The following GCFC2 variants were observed in gnomAD, a reference collection of about 807,000 sequenced individuals.
GCFC2 encodes GC-rich sequence DNA-binding factor 2.
In GCFC2, 102 loss-of-function variants were observed where a neutral mutation model predicts 99.4. That is an observed-to-expected ratio of 1.03 (90% CI 0.87 to 1.21). The LOEUF is 1.21. Among genes scored for constraint, GCFC2 ranks in the 50% most tolerant of loss-of-function variants. GCFC2 has a pLI of 0.00. For synonymous variants in GCFC2, 338 were observed against 316.8 expected (o/e 1.07, Z -0.71); for missense variants, 973 against 920.9 (o/e 1.06, Z -0.73).
chr2:75,706,792 C>T (rs893673404), intron 1 of GCFC2, 141 bp from the exon 2 acceptor site: 12 of 476,914 alleles, frequency 2.5e-5, no homozygotes, highest in Non-Finnish European at 4.3e-5. Flanking sequence ...ATTGATCTTC[C>T]TCCAACTTTC....
intron 11 of GCFC2, among the ~76,000 whole-genome samples, chr2:75,685,057 T>C (rs997689055): frequency 6.6e-6 from 1 of 152,096 alleles, no homozygotes; most frequent in Admixed American, 6.5e-5. Context: ...CCGGGGCCTT[T>C]TGGGGGTCAG....
chr2:75,706,315 T>A (rs72918120), intron 2 of GCFC2, among the ~76,000 whole-genome samples: 1 of 152,086 alleles, frequency 6.6e-6, no homozygotes, highest in African/African-American at 2.4e-5. Flanking sequence ...CAGAACAAAC[T>A]GGGTTTGAAT....
At chr2:75,707,653 A>G (rs1173678048) in intron 1 of GCFC2, among the ~76,000 whole-genome samples, 1 of 152,220 alleles carries the variant, frequency 6.6e-6, no homozygotes, top group Non-Finnish European at 1.5e-5. Context: ...ACACCAAAGC[A>G]GTGGGTCTTA....
chr2:75,712,469 CG>C (rs1360691879), upstream of GCFC2, among the ~76,000 whole-genome samples: 2 of 152,162 alleles, frequency 1.3e-5, no homozygotes, highest in African/African-American at 4.8e-5. Context: ...GCACCAATCA[CG>C]GCCCTGTCAA....
At position 75,666,011 on chromosome 2, in the gene GCFC2, T is replaced by A; in HGVS notation, c.2146A>T (p.Met716Leu). The part of the protein sequence containing the change: ...LPEKWFENSA[M>L]RTSIPQLENF... ...TCTAGCTGTGGAATAGATGTCCTCATGGCAGAATTTTCAAACCATTTTTCT... is the reference window on the plus strand; with the variant it reads ...TCTAGCTGTGGAATAGATGTCCTCAAGGCAGAATTTTCAAACCATTTTTCT... The change falls in exon 16 of 17, where the codon ATG becomes TTG. Residue 716 changes from methionine (M) to leucine (L), a missense_variant. Met to Leu is a conservative substitution (Grantham distance 15, BLOSUM62 2). Transcript: ENST00000321027. The A allele has an allele frequency of 6.2e-7, 1 of 1,606,276 alleles. No homozygotes were observed. Among genetic ancestry groups the A allele is most frequent in the Non-Finnish European group, 8.5e-7 (1 of 1,173,906 alleles).
upstream of GCFC2, among the ~76,000 whole-genome samples, chr2:75,712,658 G>A (rs1391611971): frequency 3.3e-5 from 5 of 152,034 alleles, no homozygotes; most frequent in Non-Finnish European, 5.9e-5. Flanking sequence ...GGGTCCACGT[G>A]GCTTTTATGA....
chr2:75,666,190 G>T, intron 15 of GCFC2, 137 bp from the exon 16 acceptor site: 1 of 617,362 alleles, frequency 1.6e-6, no homozygotes, highest in Non-Finnish European at 2.6e-6. Flanking sequence ...AATTTCTAAA[G>T]ATTTCCCTTT....
rs773435915 is a variant in GCFC2 at position 75,690,607 on chromosome 2, C to G, written c.1226+31G>C. 4 of 1,002,010 alleles carry G rather than the reference C, an allele frequency of 4.0e-6. No individual in the cohort carries two copies. The African/African-American group carries it at 6.4e-5, about 16-fold the overall frequency. The allele number at this position is 1,002,010 out of a possible 1,614,324, so 62.1% of individuals were successfully genotyped here. A position where few individuals can be genotyped will look rare whatever the true frequency, so the allele number is the denominator to read the frequency against. On this transcript the variant is annotated intron_variant, in intron 8 of 16. Transcript: ENST00000321027. ...AGTGAAAAGTACTTGCTCAATGATG[C>G]TTTCTTTAAATCTTCACTTTATATA...
At chr2:75,673,654 A>AT in intron 12 of GCFC2, 134 bp from the exon 13 acceptor site, 1 of 609,796 alleles carries the variant, frequency 1.6e-6, no homozygotes, top group Non-Finnish European at 3.0e-6. Context: ...TCAATTGGGT[A>AT]CAAAAAAAAC....
At position 75,665,981 on chromosome 2, in the gene GCFC2, A is replaced by C; in HGVS notation, c.2176T>G (p.Phe726Val). 1 of 1,601,804 alleles carries C rather than the reference A, an allele frequency of 6.2e-7. No individual in the cohort carries two copies. The highest frequency in any genetic ancestry group is 1.1e-5 in the South Asian group (1 of 90,494). The change falls in exon 16 of 17, where the codon TTC (phenylalanine) becomes GTC (valine). Residue 726 changes from phenylalanine (F) to valine (V), a missense_variant. By Grantham distance (50) the Phe-to-Val change is conservative. Coordinates refer to ENST00000321027, the MANE Select transcript of GCFC2 (RefSeq NM_003203.5). Reference protein sequence around the residue: ...MRTSIPQLENFIQFLLQSAHK... With the variant: ...MRTSIPQLENVIQFLLQSAHK... The stretch of plus-strand genomic sequence containing the variant: ...GCAGACTGCAATAAAAACTGAATGA[A>C]GTTTTCTAGCTGTGGAATAGATGTC...
intron 11 of GCFC2, among the ~76,000 whole-genome samples, chr2:75,681,242 T>C (rs146434136): frequency 1.2e-3 from 181 of 152,208 alleles, no homozygotes; most frequent in African/African-American, 3.6e-3. Context: ...GTTCATCTCA[T>C]TGGGCCTGGT....
intron 11 of GCFC2, among the ~76,000 whole-genome samples, chr2:75,686,264 T>A (rs1026379744): frequency 2.6e-5 from 4 of 152,146 alleles, no homozygotes; most frequent in East Asian, 1.9e-4. Flanking sequence ...TTATTTTTTT[T>A]AAATTTTAAA....
At chr2:75,675,471 C>T (rs770497268) in intron 12 of GCFC2, among the ~76,000 whole-genome samples, 2 of 151,988 alleles carry the variant, frequency 1.3e-5, no homozygotes, top group Admixed American at 6.6e-5. Flanking sequence ...GGCCGGTTGC[C>T]GTGGCTCATG....
Position 75,710,589 on chromosome 2 carries a change from A to C in GCFC2, c.265+2T>G. 6.6e-7 allele frequency: 1 copy of C among 1,510,508 alleles called. No homozygotes were observed. The highest frequency in any genetic ancestry group is 8.8e-7 in the Non-Finnish European group (1 of 1,136,580). The allele number at this position is 1,510,508 out of a possible 1,614,324, so 93.6% of individuals were successfully genotyped here. ...CCCGCTTCCCCGCGTCTCCCTGGAC[A>C]CCTGAGCCTTCGTCCGCGCGGGGAG... On this transcript the variant is annotated splice_donor_variant, in intron 1 of 16. Transcript: ENST00000321027. LOFTEE classifies it high-confidence loss of function.
At position 75,701,258 on chromosome 2, in the gene GCFC2, T is replaced by C. The variant is rs1368130193; in HGVS notation, c.649A>G (p.Ser217Gly). The C allele has an allele frequency of 1.2e-6, 2 of 1,607,212 alleles. No homozygotes were observed. The highest frequency in any genetic ancestry group is 1.1e-5 in the South Asian group (1 of 90,906). The change falls in exon 4 of 17, where the codon AGT becomes GGT. Residue 217 changes from serine (S) to glycine (G), a missense_variant. Transcript: ENST00000321027. ...ISRNEETSEESQEDEKQDTWE... is the reference protein window; with the variant it reads ...ISRNEETSEEGQEDEKQDTWE... Reference sequence around the variant, plus strand: ...GTATCTTGCTTTTCATCTTCCTGACTTTCTTCACTTGTTTCTTCATTTCTG... The same window carrying C: ...GTATCTTGCTTTTCATCTTCCTGACCTTCTTCACTTGTTTCTTCATTTCTG...
intron 2 of GCFC2, among the ~76,000 whole-genome samples, chr2:75,705,483 C>T (rs977691351): frequency 4.6e-5 from 7 of 151,468 alleles, no homozygotes; most frequent in East Asian, 3.9e-4. Context: ...ATTAGCCAGG[C>T]GTGGTGGCCT....
chr2:75,706,923 A>G (rs1680897643), intron 1 of GCFC2, among the ~76,000 whole-genome samples: 1 of 152,238 alleles, frequency 6.6e-6, no homozygotes. Flanking sequence ...TTAGAGAAAA[A>G]AAAAGCGACA....
At chr2:75,704,927 C>A (rs2298944) in intron 2 of GCFC2, among the ~76,000 whole-genome samples, 29,433 of 152,240 alleles carry the variant, frequency 0.19, 3,215 homozygotes, top group East Asian at 0.4. Flanking sequence ...CCATCCACCT[C>A]GGCCTCCCAA....
Position 75,686,486 on chromosome 2 carries a change from T to C in GCFC2, c.1690+1341A>G, listed in dbSNP as rs534198081. On this transcript the variant is annotated intron_variant, in intron 11 of 16. Transcript: ENST00000321027. ...GGCTGGGCATGGTGACTCATGCCTA[T>C]AATCCCAGTGCTTTGGGAAGCTTAG... Among the ~76,000 whole-genome samples, 29 of 152,266 alleles carry C rather than the reference T, an allele frequency of 1.9e-4. 1 individual carries two copies. Among genetic ancestry groups the C allele is most frequent in the Non-Finnish European group, 3.7e-4 (25 of 68,026 alleles).
Sources: allele counts gnomAD v4.1 joint callset (sites outside exome capture counted in the v4.1 genomes callset), GRCh38; gene constraint gnomAD v4.1.1; transcripts MANE v1.5; gene names NCBI Gene and HGNC (gene_info 2026-07-23, HGNC 2026-07-21).